Variants in TMEM266 observed in about 807,000 individuals in gnomAD.
TMEM266 encodes the protein transmembrane protein 266, also known as Hv1 related protein 1.
Under a neutral mutation model 50.5 loss-of-function variants are expected in TMEM266, and 33 were observed. The observed-to-expected ratio is 0.65, with a 90% CI of 0.50 to 0.87. TMEM266 has a LOEUF of 0.87. Ranked by LOEUF, TMEM266 falls within the 40% of genes least tolerant of loss-of-function variation. TMEM266 has a pLI of 0.00. For synonymous variants in TMEM266, 310 were observed against 292.3 expected (o/e 1.06, Z -0.62); for missense variants, 655 against 695.1 (o/e 0.94, Z 0.65).
chr15:76,066,641 A>T (rs899312079), intron 1 of TMEM266, among the ~76,000 whole-genome samples: 1 of 118,520 alleles, frequency 8.4e-6, no homozygotes. Context: ...CTGCCTACTT[A>T]AAAAAAAAAA....
In TMEM266 at chr15:76,140,460, G is replaced by A. The variant is rs143454456; in HGVS notation, c.227+2565G>A. Among the ~76,000 whole-genome samples the A allele has an allele frequency of 2.3e-3, 349 of 152,330 alleles. 1 individual carries two copies. Among genetic ancestry groups the A allele is most frequent in the African/African-American group, 8.2e-3 (341 of 41,572 alleles). On this transcript the variant is annotated intron_variant, in intron 3 of 10. Transcript: ENST00000388942. ...ATTTACAGCTCTGAGCTTGGTTTCA[G>A]TCTTGTTCAAGATGCCTCTTCCTAC...
intron 1 of TMEM266, among the ~76,000 whole-genome samples, chr15:76,084,551 G>T (rs1323526481): frequency 6.6e-6 from 1 of 152,070 alleles, no homozygotes; most frequent in Non-Finnish European, 1.5e-5. Flanking sequence ...GCCTATTTCT[G>T]GTGAAATTTG....
intron 3 of TMEM266, among the ~76,000 whole-genome samples, chr15:76,156,223 G>A (rs1435516159): frequency 6.6e-6 from 1 of 152,132 alleles, no homozygotes; most frequent in Non-Finnish European, 1.5e-5. Context: ...AGCCGGGCAT[G>A]GTGACACACA....
At position 76,203,787 on chromosome 15, in the gene TMEM266, A is replaced by C. The variant is rs768064002; in HGVS notation, c.1068A>C (p.Ala356=). The change falls in exon 11 of 11, where the codon GCA becomes GCC. Residue 356 remains alanine, a synonymous_variant. Coordinates refer to ENST00000388942, the MANE Select transcript of TMEM266 (RefSeq NM_152335.3). ...CTGTGTGTATGGTCACCACGGCCGC[A>C]ATAGACATTCACCAGCCCAACATCT... 2.5e-6 allele frequency: 4 copies of C among 1,614,168 alleles called. No individual in the cohort carries two copies. The highest frequency in any genetic ancestry group is 1.1e-5 in the South Asian group (1 of 91,082).
intron 9 of TMEM266, among the ~76,000 whole-genome samples, chr15:76,194,387 C>T (rs2038625066): frequency 6.6e-6 from 1 of 152,220 alleles, no homozygotes; most frequent in African/African-American, 2.4e-5. Flanking sequence ...GCAGTCTCCC[C>T]TCCCCCACCA....
chr15:76,184,634 A>C (rs2038468076), intron 8 of TMEM266, among the ~76,000 whole-genome samples: 1 of 152,238 alleles, frequency 6.6e-6, no homozygotes, highest in Admixed American at 6.5e-5. Flanking sequence ...CTTCTGGCCA[A>C]AGTGTGCATT....
intron 1 of TMEM266, among the ~76,000 whole-genome samples, chr15:76,083,346 C>T (rs1249167388): frequency 2.6e-5 from 4 of 151,572 alleles, no homozygotes; most frequent in African/African-American, 9.7e-5. Context: ...AGTTTTCCTG[C>T]TCCTTGGTCT....
chr15:76,105,482 A>T (rs1287121765), intron 1 of TMEM266, among the ~76,000 whole-genome samples: 1 of 152,208 alleles, frequency 6.6e-6, no homozygotes, highest in Non-Finnish European at 1.5e-5. Context: ...GGATCAGAAA[A>T]ATTCTTCTGT....
intron 1 of TMEM266, among the ~76,000 whole-genome samples, chr15:76,083,215 G>A (rs951512624): frequency 2.7e-5 from 4 of 150,812 alleles, no homozygotes; most frequent in Non-Finnish European, 2.9e-5. Flanking sequence ...ATGGGGAACC[G>A]TCAGGGGTGC....
At chr15:76,069,733 G>T (rs1208995712) in intron 1 of TMEM266, among the ~76,000 whole-genome samples, 2 of 152,002 alleles carry the variant, frequency 1.3e-5, no homozygotes, top group Admixed American at 6.6e-5. Context: ...CAGGAGAATT[G>T]CTTGAACCCG....
At chr15:76,185,679 T>C (rs2038481601) in intron 8 of TMEM266, among the ~76,000 whole-genome samples, 1 of 152,250 alleles carries the variant, frequency 6.6e-6, no homozygotes, top group Non-Finnish European at 1.5e-5. Context: ...ATGATTCTCA[T>C]GGTGTGCTAC....
intron 7 of TMEM266, chr15:76,174,838 GC>G (rs1240616665): frequency 4.6e-5 from 7 of 152,250 alleles, no homozygotes; most frequent in African/African-American, 1.7e-4. Context: ...CTGTGTTGTG[GC>G]TGGTGGCGGG....
chr15:76,135,450 G>A lies in TMEM266; in HGVS notation c.38+1149G>A, dbSNP rs952635419. On this transcript the variant is annotated intron_variant, in intron 2 of 10. Transcript: ENST00000388942. ...TTGGAAAGCCAGAAATAGTTTGTTC[G>A]CACTTCTTAGAGCCATATCCTGTTA... Among the ~76,000 whole-genome samples the A allele has an allele frequency of 7.9e-5, 12 of 152,148 alleles. No homozygotes were observed. In the South Asian group the frequency reaches 8.3e-4, roughly 11 times the overall value.
At chr15:76,164,796 G>A (rs896741101) in intron 5 of TMEM266, among the ~76,000 whole-genome samples, 1 of 152,216 alleles carries the variant, frequency 6.6e-6, no homozygotes, top group Non-Finnish European at 1.5e-5. Context: ...GACAGTGTTG[G>A]GTGGCCGCGG....
At chr15:76,159,604 C>T (rs374502573) in intron 4 of TMEM266, among the ~76,000 whole-genome samples, 6 of 152,318 alleles carry the variant, frequency 3.9e-5, no homozygotes, top group Non-Finnish European at 7.4e-5. Flanking sequence ...CTCTGCCACT[C>T]GGTTTCCAGA....
At chr15:76,187,738 A>G (rs2038509372) in intron 8 of TMEM266, among the ~76,000 whole-genome samples, 1 of 152,174 alleles carries the variant, frequency 6.6e-6, no homozygotes, top group African/African-American at 2.4e-5. Flanking sequence ...GGCTCATTGC[A>G]TAGCCAGCAT....
chr15:76,186,922 T>C (rs1309320756), intron 8 of TMEM266, among the ~76,000 whole-genome samples: 3 of 152,126 alleles, frequency 2.0e-5, no homozygotes, highest in Non-Finnish European at 2.9e-5. Flanking sequence ...GCCCCTTACC[T>C]TCTGGCCCTC....
rs540889382 is a variant in TMEM266 at position 76,075,599 on chromosome 15, A to T, written c.-97+15583A>T. On this transcript the variant is annotated intron_variant, in intron 1 of 10. Coordinates refer to ENST00000388942, the MANE Select transcript of TMEM266 (RefSeq NM_152335.3). ...TTCTCCCTCATTTTGTTGCTTCATT[A>T]ATCCAGCAGACATTTATCAGACACT... Among the ~76,000 whole-genome samples the T allele has an allele frequency of 4.6e-5, 7 of 152,132 alleles. 1 individual carries two copies. The highest frequency in any genetic ancestry group is 1.7e-4 in the African/African-American group (7 of 41,416).
Position 76,153,348 on chromosome 15 carries a change from C to T in TMEM266, c.228-3256C>T, listed in dbSNP as rs868576. 0.094 allele frequency among the ~76,000 whole-genome samples: 14,251 copies of T among 152,162 alleles called. 996 individuals are homozygous for T. The highest frequency in any genetic ancestry group is 0.21 in the Admixed American group (3,257 of 15,286). On this transcript the variant is annotated intron_variant, in intron 3 of 10. Transcript: ENST00000388942. The surrounding 1 kb of genome is among the most constrained non-coding windows in gnomAD (Gnocchi z 4.2). ...CAGTGTCTTAGGGATGTCCAAGGCA[C>T]GAAGGTGAACAAATGCCCGGCACCT...
Sources: allele counts gnomAD v4.1 joint callset (sites outside exome capture counted in the v4.1 genomes callset), GRCh38; gene constraint gnomAD v4.1.1; non-coding constraint Gnocchi (gnomAD v3.1); transcripts MANE v1.5; gene names NCBI Gene and HGNC (gene_info 2026-07-23, HGNC 2026-07-21).